Variants in RAB1A observed in about 807,000 individuals in gnomAD.
RAB1A encodes the protein RAB1A, member RAS oncogene family.
In RAB1A, 2 loss-of-function variants were observed where a neutral mutation model predicts 26.0. That is an observed-to-expected ratio of 0.08 (90% CI 0.03 to 0.24). The LOEUF is 0.24. RAB1A is among the 10% of genes least tolerant of loss of function. The pLI, the probability that RAB1A is intolerant of heterozygous loss-of-function variation, is 1.00. For missense variants in RAB1A, 100 were observed against 247.0 expected (o/e 0.40, Z 3.99); for synonymous variants, 84 against 84.9 (o/e 0.99, Z 0.06).
chr2:65,120,636 T>C (rs1669941131), intron 1 of RAB1A, among the ~76,000 whole-genome samples: 1 of 152,104 alleles, frequency 6.6e-6, no homozygotes, highest in South Asian at 2.1e-4. Context: ...AGCCTTGGTG[T>C]GAACTGCCTA....
intron 3 of RAB1A, among the ~76,000 whole-genome samples, chr2:65,097,332 A>AT (rs1473695429): frequency 2.0e-5 from 3 of 152,070 alleles, no homozygotes; most frequent in Non-Finnish European, 4.4e-5. Flanking sequence ...GGGTGTAAAG[A>AT]TGGATAAGGG....
rs1669064305 is a variant in RAB1A, at chr2:65,087,571, A to G, written c.*922T>C. The stretch of plus-strand genomic sequence containing the variant: ...AATGTTGATCAATGAAGCTATTTCA[A>G]ATGGTTTTAGAGAAGGATCAGAGAT... On this transcript the variant is annotated 3_prime_UTR_variant, in exon 6 of 6. Transcript: ENST00000409784. 6.6e-6 allele frequency: 1 copy of G among 152,628 alleles called. No individual in the cohort carries two copies. The highest frequency in any genetic ancestry group is 1.5e-5 in the Non-Finnish European group (1 of 68,042). The allele number at this position is 152,628 out of a possible 1,614,324, so 9.5% of individuals were successfully genotyped here. A position where few individuals can be genotyped will look rare whatever the true frequency, so the allele number is the denominator to read the frequency against.
chr2:65,102,337 T>C (rs1362374827), intron 2 of RAB1A, among the ~76,000 whole-genome samples: 1 of 152,098 alleles, frequency 6.6e-6, no homozygotes, highest in Non-Finnish European at 1.5e-5. Context: ...CTAGTACTCA[T>C]GGTTTTATTT....
At chr2:65,089,793 G>A (rs529648388) in intron 4 of RAB1A, among the ~76,000 whole-genome samples, 27 of 150,016 alleles carry the variant, frequency 1.8e-4, no homozygotes, top group African/African-American at 5.4e-4. Context: ...ACCTCTGCCC[G>A]CTGGGTTCAA....
intron 1 of RAB1A, among the ~76,000 whole-genome samples, chr2:65,122,155 CAAAAAAAAAA>C (rs57590844): frequency 0.023 from 740 of 31,686 alleles, 5 homozygotes; most frequent in African/African-American, 0.05. Context: ...GACTCTATCT[CAAAAAAAAAA>C]AAAAAAAAAA....
chr2:65,117,636 G>C (rs1669855548), intron 1 of RAB1A, among the ~76,000 whole-genome samples: 1 of 151,960 alleles, frequency 6.6e-6, no homozygotes. Flanking sequence ...ATGCAATGTG[G>C]GCTCACTGCA....
At chr2:65,091,145 G>A in intron 3 of RAB1A, 67 bp from the exon 4 acceptor site, 1 of 1,247,266 alleles carries the variant, frequency 8.0e-7, no homozygotes, top group Non-Finnish European at 1.2e-6. Flanking sequence ...AGTGTAGGAG[G>A]GAGGGGAAAT....
chr2:65,105,010 A>G, intron 1 of RAB1A: 1 of 670,876 alleles, frequency 1.5e-6, no homozygotes, highest in South Asian at 1.5e-5. Flanking sequence ...TGTAAAAAGT[A>G]GGCAATGCCA....
At chr2:65,112,174 C>A (rs553411129) in intron 1 of RAB1A, among the ~76,000 whole-genome samples, 1 of 146,414 alleles carries the variant, frequency 6.8e-6, no homozygotes, top group East Asian at 2.0e-4. Flanking sequence ...GAGACAGAGT[C>A]TTGCTCTGTT....
intron 1 of RAB1A, among the ~76,000 whole-genome samples, chr2:65,108,235 G>A (rs1354996967): frequency 2.0e-5 from 3 of 150,258 alleles, no homozygotes; most frequent in African/African-American, 7.4e-5. Context: ...GGTGGCAGGC[G>A]CCTGTAATCC....
intron 3 of RAB1A, among the ~76,000 whole-genome samples, chr2:65,094,475 T>C (rs1669238866): frequency 1.3e-5 from 2 of 151,278 alleles, no homozygotes; most frequent in South Asian, 4.2e-4. Flanking sequence ...TCCCTGCTAC[T>C]AGGGAGGCTG....
rs185900024 is a variant in RAB1A, at chr2:65,119,421, C to A, written c.23+10472G>T. 2.8e-3 allele frequency among the ~76,000 whole-genome samples: 423 copies of A among 151,742 alleles called. 1 individual carries two copies. Among genetic ancestry groups the A allele is most frequent in the African/African-American group, 9.8e-3 (404 of 41,384 alleles). On this transcript the variant is annotated intron_variant, in intron 1 of 5. Coordinates refer to ENST00000409784, the MANE Select transcript of RAB1A (RefSeq NM_004161.5). ...ACTCAGGAGGCTGAGGCAGGAGAAT[C>A]GCTTGAACCTGGGAGGCAGAGGTTG...
At chr2:65,121,885 G>A (rs995704613) in intron 1 of RAB1A, among the ~76,000 whole-genome samples, 4 of 152,182 alleles carry the variant, frequency 2.6e-5, no homozygotes, top group Admixed American at 6.6e-5. Context: ...GCAGCCAAAC[G>A]TAGTGGCTCA....
chr2:65,123,626 G>A (rs982173580), intron 1 of RAB1A, among the ~76,000 whole-genome samples: 1 of 151,972 alleles, frequency 6.6e-6, no homozygotes, highest in Non-Finnish European at 1.5e-5. Context: ...AGGAGTTTGA[G>A]GCCAGCCTGG....
intron 1 of RAB1A, among the ~76,000 whole-genome samples, chr2:65,116,823 A>G (rs950781858): frequency 6.6e-6 from 1 of 152,262 alleles, no homozygotes; most frequent in Non-Finnish European, 1.5e-5. Context: ...GCAATGCATA[A>G]AACAGTAACA....
At chr2:65,113,370 G>A (rs1447245382) in intron 1 of RAB1A, among the ~76,000 whole-genome samples, 1 of 152,116 alleles carries the variant, frequency 6.6e-6, no homozygotes, top group Admixed American at 6.6e-5. Flanking sequence ...GCCTGGTGCA[G>A]TGGTGCACAC....
At chr2:65,120,683 C>T (rs918540718) in intron 1 of RAB1A, among the ~76,000 whole-genome samples, 1 of 151,944 alleles carries the variant, frequency 6.6e-6, no homozygotes, top group African/African-American at 2.4e-5. Context: ...TATATAGACA[C>T]AAAGGGAGCA....
At chr2:65,113,411 C>T (rs1243415624) in intron 1 of RAB1A, among the ~76,000 whole-genome samples, 3 of 152,128 alleles carry the variant, frequency 2.0e-5, no homozygotes, top group Non-Finnish European at 2.9e-5. Context: ...AAGGCTGAGG[C>T]AGGAGGGTAA....
chr2:65,098,449 GACCC>G (rs1553392001), intron 2 of RAB1A, among the ~76,000 whole-genome samples: 5 of 151,742 alleles, frequency 3.3e-5, no homozygotes, highest in Non-Finnish European at 5.9e-5. Context: ...AAACTCTTGC[GACCC>G]ACCCACCCAA....
Sources: allele counts gnomAD v4.1 joint callset (sites outside exome capture counted in the v4.1 genomes callset), GRCh38; gene constraint gnomAD v4.1.1; transcripts MANE v1.5; gene names NCBI Gene and HGNC (gene_info 2026-07-23, HGNC 2026-07-21).